PLAT: variants seen among roughly 807,000 people sequenced by gnomAD.
The protein encoded by PLAT is tissue-type plasminogen activator.
In PLAT, 48 loss-of-function variants were observed where a neutral mutation model predicts 74.9. The observed-to-expected ratio is 0.64, with a 90% CI of 0.51 to 0.82. The LOEUF (loss-of-function observed/expected upper bound fraction) is 0.82. Ranked by LOEUF, PLAT falls within the 40% of genes least tolerant of loss-of-function variation. The pLI is 0.00. For synonymous variants in PLAT, 307 were observed against 294.4 expected, an observed-to-expected ratio of 1.04 and a Z score of -0.44; for missense variants, 673 against 736.2, an observed-to-expected ratio of 0.91 and a Z score of 0.99.
At chr8:42,194,241 A>AGAGAGAGAGAGTGTGTGT (rs1419569830) in intron 1 of PLAT, among the ~76,000 whole-genome samples, 20 of 52,576 alleles carry the variant, frequency 3.8e-4, no homozygotes, top group African/African-American at 1.3e-3. Flanking sequence ...AGAGAGAGAG[A>AGAGAGAGAGAGTGTGTGT]GTGTGTGTGT....
At chr8:42,204,785 G>A (rs972657030) in intron 1 of PLAT, among the ~76,000 whole-genome samples, 1 of 151,678 alleles carries the variant, frequency 6.6e-6, no homozygotes, top group Non-Finnish European at 1.5e-5. Flanking sequence ...GCACTTTGGA[G>A]GAGGAGGGCA....
At position 42,188,923 on chromosome 8, in the gene PLAT, T is replaced by A; in HGVS notation, c.253+11A>T. 1 of 1,609,842 alleles carries A rather than the reference T, an allele frequency of 6.2e-7. No individual in the cohort carries two copies. Among genetic ancestry groups the A allele is most frequent in the Non-Finnish European group, 8.5e-7 (1 of 1,176,942 alleles). On this transcript the variant is annotated intron_variant, in intron 4 of 13. Transcript: ENST00000220809. ...CACAGGCATGCACCACCTCCCAGCC[T>A]CAGTACATACTTTTGACAGGCACTG...
intron 2 of PLAT, among the ~76,000 whole-genome samples, chr8:42,192,486 G>GC (rs1805725359): frequency 6.6e-6 from 1 of 152,188 alleles, no homozygotes. Context: ...AGTGAGCTAT[G>GC]ATTGTGCCAT....
chr8:42,188,164 A>G, intron 4 of PLAT, 148 bp from the exon 5 acceptor site: 1 of 538,546 alleles, frequency 1.9e-6, no homozygotes. Context: ...TCCTACAAAT[A>G]CTGTTTTCAT....
At chr8:42,183,154 C>A (rs1805319480) in intron 7 of PLAT, among the ~76,000 whole-genome samples, 1 of 152,150 alleles carries the variant, frequency 6.6e-6, no homozygotes. Flanking sequence ...CAGGCATGCG[C>A]CACCATGCTA....
At chr8:42,181,056 C>G (rs1254143005) in intron 9 of PLAT, among the ~76,000 whole-genome samples, 1 of 152,184 alleles carries the variant, frequency 6.6e-6, no homozygotes, top group African/African-American at 2.4e-5. Flanking sequence ...CCAACCTTAC[C>G]CATGCTTCAA....
intron 1 of PLAT, among the ~76,000 whole-genome samples, chr8:42,203,982 T>TAC (rs1383289981): frequency 2.5e-5 from 3 of 121,134 alleles, no homozygotes; most frequent in African/African-American, 1.6e-4. Flanking sequence ...TATATATATA[T>TAC]ATATATATAT....
chr8:42,179,107 A>C (rs1805104291), intron 12 of PLAT, 44 bp from the exon 13 acceptor site: 1 of 1,510,346 alleles, frequency 6.6e-7, no homozygotes, highest in African/African-American at 1.4e-5. Context: ...AAAGTTATTT[A>C]TAAACGTTTT....
At chr8:42,190,676 A>G (rs565904530) in intron 3 of PLAT, among the ~76,000 whole-genome samples, 95 of 152,272 alleles carry the variant, frequency 6.2e-4, no homozygotes, top group African/African-American at 2.2e-3. Context: ...CACAAAGGGT[A>G]TTGCAGAGTC....
At chr8:42,204,028 CAT>C (rs781005590) in intron 1 of PLAT, among the ~76,000 whole-genome samples, 2,774 of 147,122 alleles carry the variant, frequency 0.019, 52 homozygotes, top group Middle Eastern at 0.032. Context: ...CACACACACA[CAT>C]ACAAACACAT....
intron 1 of PLAT, 51 bp from the exon 2 acceptor site, chr8:42,193,262 T>C: frequency 8.3e-7 from 1 of 1,202,344 alleles, no homozygotes; most frequent in Non-Finnish European, 1.2e-6. Context: ...AGGTCCATGA[T>C]GGCAACAGAG....
chr8:42,188,116 A>G, intron 4 of PLAT, 100 bp from the exon 5 acceptor site: 1 of 678,174 alleles, frequency 1.5e-6, no homozygotes, highest in South Asian at 1.7e-5. Flanking sequence ...CACACACTCA[A>G]GTCCTGCAGC....
chr8:42,176,263 A>C (rs1308757998), intron 13 of PLAT, 112 bp from the exon 14 acceptor site: 2 of 719,744 alleles, frequency 2.8e-6, no homozygotes, highest in Non-Finnish European at 4.6e-6. Context: ...GCCCTTCAAT[A>C]ATATTCCATT....
intron 5 of PLAT, 131 bp downstream of exon 5, chr8:42,187,775 T>C (rs1805540961): frequency 1.3e-6 from 1 of 767,040 alleles, no homozygotes; most frequent in Non-Finnish European, 2.2e-6. Context: ...TCCTGACCCA[T>C]GGCAGAAGCG....
rs1283024283 is a variant in PLAT, at chr8:42,187,997, A to G, written c.273T>C (p.Cys91=). 6.2e-7 allele frequency: 1 copy of G among 1,612,276 alleles called. No homozygotes were observed. The highest frequency in any genetic ancestry group is 8.5e-7 in the Non-Finnish European group (1 of 1,178,456). ...VPVKSCSEPR[C]FNGGTCQQAL... is the part of the protein sequence containing the mutation. ...CCTGCTGGCAGGTGCCCCCGTTGAA[A>G]CACCTTGGCTCGCTGCAACCTGTCA... The change falls in exon 5 of 14, where the codon TGT becomes TGC. Residue 91 remains cysteine (C), a synonymous_variant. Coordinates refer to ENST00000220809, the MANE Select transcript of PLAT (RefSeq NM_000930.5).
rs189288544 is a variant in PLAT at position 42,196,957 on chromosome 8, G to C, written c.-26-3746C>G. Reference sequence around the variant, plus strand: ...AAGGCCCCAAGGTTGGCTGACTTTTGCTGGGCTGGAATCCAGAATCACTGT... The same window carrying C: ...AAGGCCCCAAGGTTGGCTGACTTTTCCTGGGCTGGAATCCAGAATCACTGT... On this transcript the variant is annotated intron_variant, in intron 1 of 13. Coordinates refer to ENST00000220809, the MANE Select transcript of PLAT (RefSeq NM_000930.5). Among the ~76,000 whole-genome samples the C allele has an allele frequency of 2.1e-3, 322 of 152,216 alleles. 1 individual carries two copies. Among genetic ancestry groups the C allele is most frequent in the Middle Eastern group, 6.8e-3 (2 of 294 alleles).
rs1438869299 is a variant in PLAT, at chr8:42,175,593, C to G, written c.*400G>C. On this transcript the variant is annotated 3_prime_UTR_variant, in exon 14 of 14. Transcript: ENST00000220809. ...TCTATTTCTAATGCAATCCGTCTTT[C>G]CTGAAAGATCTTGTTATCTTTTACT... 2 of 165,272 alleles carry G rather than the reference C, an allele frequency of 1.2e-5. No individual in the cohort carries two copies. The highest frequency in any genetic ancestry group is 4.8e-5 in the African/African-American group (2 of 42,074). 10.2% of individuals were successfully genotyped at this position (165,272 alleles called of 1,614,324 possible). A position where few individuals can be genotyped will look rare whatever the true frequency, so the allele number is the denominator to read the frequency against.
intron 2 of PLAT, among the ~76,000 whole-genome samples, chr8:42,192,101 T>C (rs1345260350): frequency 2.7e-5 from 4 of 150,856 alleles, no homozygotes. Flanking sequence ...CCTCCTGAAC[T>C]TAAGCGATCC....
At chr8:42,176,390 C>T (rs1386695948) in intron 13 of PLAT, among the ~76,000 whole-genome samples, 1 of 152,190 alleles carries the variant, frequency 6.6e-6, no homozygotes, top group Non-Finnish European at 1.5e-5. Context: ...CCAAAGCTTG[C>T]ACATTAAGCC....
Sources: gnomAD v4.1 joint callset for allele counts (sites outside exome capture counted in the v4.1 genomes callset) on GRCh38, gnomAD v4.1.1 for gene constraint, MANE v1.5 for transcripts, NCBI Gene and HGNC (gene_info 2026-07-23, HGNC 2026-07-21) for gene names.